Variants in GRIP2 observed in about 807,000 individuals in gnomAD.
GRIP2 encodes glutamate receptor interacting protein 2.
Under a neutral mutation model 108.3 loss-of-function variants are expected in GRIP2, and 58 were observed. The observed-to-expected ratio is 0.54, with a 90% CI of 0.43 to 0.67. The LOEUF is 0.67. Among genes scored for constraint, GRIP2 ranks in the 30% least tolerant of loss-of-function variants. The probability of loss-of-function intolerance (pLI) is 0.00; values close to 1 mark genes in which losing one functional copy is unlikely to be tolerated. For missense variants in GRIP2, 1,278 were observed against 1,430.6 expected, an observed-to-expected ratio of 0.89 and a Z score of 1.72; for synonymous variants, 586 against 598.2, an observed-to-expected ratio of 0.98 and a Z score of 0.30.
intron 1 of GRIP2, among the ~76,000 whole-genome samples, chr3:14,526,705 A>G (rs1167326087): frequency 6.6e-6 from 1 of 151,916 alleles, no homozygotes; most frequent in Non-Finnish European, 1.5e-5. Flanking sequence ...CATATTTTCC[A>G]TGTCTTCTTT....
the GRIP2 span, among the ~76,000 whole-genome samples, chr3:14,564,301 C>T: frequency 3.0e-4 from 46 of 152,340 alleles, no homozygotes; most frequent in Admixed American, 2.7e-3. Context: ...TCGTGGGCCG[C>T]GTGGGTGGAG....
chr3:14,513,825 C>A lies in GRIP2; in HGVS notation c.1494-15G>T. Reference sequence around the variant, plus strand: ...GCAGCCCACACCTGAACCCAGGGGGCCCGGCAGAGAGAAGAGGCTCCGTGA... The same window carrying A: ...GCAGCCCACACCTGAACCCAGGGGGACCGGCAGAGAGAAGAGGCTCCGTGA... On this transcript the variant is annotated splice_polypyrimidine_tract_variant and intron_variant, in intron 12 of 23. Coordinates refer to ENST00000621039, the MANE Select transcript of GRIP2 (RefSeq NM_001080423.4). 6.2e-7 allele frequency: 1 copy of A among 1,610,188 alleles called. No homozygotes were observed.
At chr3:14,537,970 C>A (rs1161567686) in intron 1 of GRIP2, among the ~76,000 whole-genome samples, 2 of 152,190 alleles carry the variant, frequency 1.3e-5, no homozygotes, top group African/African-American at 4.8e-5. Context: ...TACTGTGTGC[C>A]CCAGCCTGGG....
At chr3:14,540,494 C>T (rs1184371460), upstream of GRIP2, 47 of 1,412,702 alleles carry the variant, frequency 3.3e-5, no homozygotes, top group Non-Finnish European at 4.3e-5. This position sits in a 1 kb window ranked among gnomAD's most constrained non-coding sequence, Gnocchi z 4.1. Flanking sequence ...TCAAGGCTGG[C>T]TCCAGGACAG....
In GRIP2 at chr3:14,517,855, CA is replaced by C; in HGVS notation, c.1072del (p.Cys358AlafsTer40). On this transcript the variant is annotated frameshift_variant, in exon 10 of 24. Coordinates refer to ENST00000621039, the MANE Select transcript of GRIP2 (RefSeq NM_001080423.4). LOFTEE classifies it high-confidence loss of function. ...RSEQLHRWDP[C>X]VPSCHSPRPG... The stretch of plus-strand genomic sequence containing the variant: ...CCGGGGGCTGTGGCAGGAGGGCACG[CA>C]GGGGTCCCAGCGGTGCAGCTGCTCA... The C allele has an allele frequency of 6.3e-7, 1 of 1,599,144 alleles. No individual in the cohort carries two copies. The highest frequency in any genetic ancestry group is 8.5e-7 in the Non-Finnish European group (1 of 1,173,534).
At position 14,505,825 on chromosome 3, in the gene GRIP2, G is replaced by A; in HGVS notation, c.2399-36C>T. 6.8e-7 allele frequency: 1 copy of A among 1,470,212 alleles called. No individual in the cohort carries two copies. The allele number at this position is 1,470,212 out of a possible 1,614,324, so 91.1% of individuals were successfully genotyped here. On this transcript the variant is annotated intron_variant, in intron 19 of 23. Coordinates refer to ENST00000621039, the MANE Select transcript of GRIP2 (RefSeq NM_001080423.4). This position sits in a 1 kb window ranked among gnomAD's most constrained non-coding sequence, Gnocchi z 4.2. ...AGAGAGGGCCTCTGTGTTCCCTGCG[G>A]CCTCACCTTGCCCTCCTGCCTGCCC...
rs1436273234 is a variant in GRIP2 at position 14,490,815 on chromosome 3, T to TG, written c.*2849_*2850insC. 1.6e-4 allele frequency: 24 copies of TG among 152,392 alleles called. No individual in the cohort carries two copies. The highest frequency in any genetic ancestry group is 1.4e-3 in the Admixed American group (21 of 15,312). 9.4% of individuals were successfully genotyped at this position (152,392 alleles called of 1,614,324 possible). On this transcript the variant is annotated 3_prime_UTR_variant, in exon 24 of 24. Transcript: ENST00000621039. The stretch of plus-strand genomic sequence containing the variant: ...TCTCCATGGAGGCTGGCTCCTGTCT[T>TG]CAGGTCTCATTGCAAATGTCGCCTC...
At position 14,491,397 on chromosome 3, in the gene GRIP2, G is replaced by A. The variant is rs1701332428; in HGVS notation, c.*2268C>T. 1 of 152,294 alleles carries A rather than the reference G, an allele frequency of 6.6e-6. No individual in the cohort carries two copies. The highest frequency in any genetic ancestry group is 1.9e-4 in the East Asian group (1 of 5,202). The allele number at this position is 152,294 out of a possible 1,614,324, so 9.4% of individuals were successfully genotyped here. ...GCCAGAGAAAAATACAGCTTTGGGGGAGAGGGCAGGTGGAAGGGGACATGT... is the reference window on the plus strand; with the variant it reads ...GCCAGAGAAAAATACAGCTTTGGGGAAGAGGGCAGGTGGAAGGGGACATGT... On this transcript the variant is annotated 3_prime_UTR_variant, in exon 24 of 24. Transcript: ENST00000621039.
the GRIP2 span, among the ~76,000 whole-genome samples, chr3:14,583,933 T>C: frequency 6.6e-6 from 1 of 152,190 alleles, no homozygotes; most frequent in African/African-American, 2.4e-5. Context: ...TAGTCAGATT[T>C]CCTCCATAGT....
rs61731933 is a variant in GRIP2, at chr3:14,514,356, C to G, written c.1429G>C (p.Ala477Pro). 1.9e-6 allele frequency: 3 copies of G among 1,573,598 alleles called. No homozygotes were observed. The African/African-American group carries it at 4.1e-5, about 22-fold the overall frequency. The stretch of plus-strand genomic sequence containing the variant: ...GGTGGGGAGGACAGGGTCTCGGTGG[C>G]GAAGATGCCGCCCTGGAGCTGGAGG... ...FGLQLQGGIF[A>P]TETLSSPPLV... is the part of the protein sequence containing the mutation. Residue 477 changes from alanine to proline, a missense_variant, in exon 12 of 24, where the codon GCC becomes CCC. By Grantham distance (27) the Ala-to-Pro change is conservative. Coordinates refer to ENST00000621039, the MANE Select transcript of GRIP2 (RefSeq NM_001080423.4).
chr3:14,514,259 G>T, intron 12 of GRIP2, 33 bp downstream of exon 12: 2 of 1,517,200 alleles, frequency 1.3e-6, no homozygotes, highest in Non-Finnish European at 8.9e-7. Context: ...TCAGAGAGTG[G>T]CAGGCTCAGT....
At position 14,493,643 on chromosome 3, in the gene GRIP2, G is replaced by A; in HGVS notation, c.*22C>T. The A allele has an allele frequency of 1.3e-6, 2 of 1,569,628 alleles. No individual in the cohort carries two copies. The highest frequency in any genetic ancestry group is 1.2e-5 in the South Asian group (1 of 86,258). On this transcript the variant is annotated 3_prime_UTR_variant, in exon 24 of 24. Transcript: ENST00000621039. Reference sequence around the variant, plus strand: ...AGGATCTGCCTGGGTGGCCCCTTAGGAGTTCGGCCCACATGCTGACTTCAG... The same window carrying A: ...AGGATCTGCCTGGGTGGCCCCTTAGAAGTTCGGCCCACATGCTGACTTCAG...
At chr3:14,525,686 C>G in intron 2 of GRIP2, 114 bp from the exon 3 acceptor site, 3 of 1,381,646 alleles carry the variant, frequency 2.2e-6, no homozygotes, top group Non-Finnish European at 3.0e-6. Context: ...CTGCATTGCC[C>G]TGGGTGATGA....
At chr3:14,544,243 C>A (rs1695024022), upstream of GRIP2, among the ~76,000 whole-genome samples, 1 of 152,178 alleles carries the variant, frequency 6.6e-6, no homozygotes, top group African/African-American at 2.4e-5. Flanking sequence ...CAACGCAGGG[C>A]CAGGCCTGCA....
intron 9 of GRIP2, 27 bp from the exon 10 acceptor site, chr3:14,517,924 A>G: frequency 6.6e-7 from 1 of 1,522,172 alleles, no homozygotes; most frequent in Non-Finnish European, 8.8e-7. Flanking sequence ...AAGAGGAAAG[A>G]GAGGTGCAGG....
chr3:14,518,967 GGTTGTACGCAGATGTGT>G (rs1694332131), intron 9 of GRIP2, among the ~76,000 whole-genome samples: 1 of 152,222 alleles, frequency 6.6e-6, no homozygotes, highest in African/African-American at 2.4e-5. Context: ...AGAGCCAAGG[GGTTGTACGCAGATGTGT>G]AGCCTTGCAA....
chr3:14,577,712 G>C, the GRIP2 span, among the ~76,000 whole-genome samples: 1 of 152,232 alleles, frequency 6.6e-6, no homozygotes, highest in East Asian at 1.9e-4. Context: ...CCAGGCCCAA[G>C]TAAAACCAAC....
At chr3:14,594,057 G>A in the GRIP2 span, among the ~76,000 whole-genome samples, 1 of 152,210 alleles carries the variant, frequency 6.6e-6, no homozygotes, top group East Asian at 1.9e-4. Flanking sequence ...CTGGCGAGGT[G>A]CAGCCCTGCC....
At position 14,520,297 on chromosome 3, in the gene GRIP2, T is replaced by A. The variant is rs779492991; in HGVS notation, c.861-18A>T. 5 of 1,611,750 alleles carry A rather than the reference T, an allele frequency of 3.1e-6. No homozygotes were observed. In the South Asian group the frequency reaches 5.5e-5, roughly 18 times the overall value. On this transcript the variant is annotated intron_variant, in intron 8 of 23. Transcript: ENST00000621039. The stretch of plus-strand genomic sequence containing the variant: ...CTCCGCTCCTGGCCAGGCAGGGGAG[T>A]GAAGGCGGAGGCTGGTCCAGGCCAG...
Sources: allele counts gnomAD v4.1 joint callset (sites outside exome capture counted in the v4.1 genomes callset), GRCh38; gene constraint gnomAD v4.1.1; non-coding constraint Gnocchi (gnomAD v3.1); transcripts MANE v1.5; gene names NCBI Gene and HGNC (gene_info 2026-07-23, HGNC 2026-07-21).